CLASP2: variants seen among roughly 807,000 people sequenced by gnomAD.
CLASP2 encodes cytoplasmic linker associated protein 2, also known as CLIP-associating protein 2.
In CLASP2, 47 loss-of-function variants were observed where a neutral mutation model predicts 194.4. The observed-to-expected ratio is 0.24, with a 90% CI of 0.19 to 0.31. The LOEUF is 0.31. Ranked by LOEUF, CLASP2 falls within the 10% of genes least tolerant of loss-of-function variation. The pLI is 1.00. For missense variants in CLASP2, 1,445 were observed against 1,823.6 expected (o/e 0.79, Z 3.78); for synonymous variants, 619 against 633.5 (o/e 0.98, Z 0.34).
At chr3:33,690,427 A>T (rs1443944621) in intron 2 of CLASP2, among the ~76,000 whole-genome samples, 1 of 152,214 alleles carries the variant, frequency 6.6e-6, no homozygotes, top group Non-Finnish European at 1.5e-5. Context: ...ATTGAAAATT[A>T]AAAAATAATA....
At chr3:33,685,777 AAGG>A (rs1462858488) in intron 5 of CLASP2, among the ~76,000 whole-genome samples, 1 of 145,222 alleles carries the variant, frequency 6.9e-6, no homozygotes, top group Non-Finnish European at 1.5e-5. Context: ...CAAAGACAGA[AAGG>A]AGAATAGTGG....
chr3:33,517,842 C>T (rs928611899), intron 34 of CLASP2, among the ~76,000 whole-genome samples: 2 of 151,996 alleles, frequency 1.3e-5, no homozygotes, highest in Admixed American at 6.6e-5. Flanking sequence ...TTTGTGGAGA[C>T]GGGGTTTCGC....
At position 33,516,251 on chromosome 3, in the gene CLASP2, G is replaced by A. The variant is rs2051281071; in HGVS notation, c.3982-100C>T. ...TAAGGGTCTTAATATTGGGGGAGGA[G>A]TTGTAGATAACTGCATAAAGTATGC... On this transcript the variant is annotated intron_variant, in intron 35 of 38. Coordinates refer to ENST00000682230, the MANE Select transcript of CLASP2 (RefSeq NM_001365631.1). The A allele has an allele frequency of 7.1e-6, 8 of 1,125,846 alleles. No homozygotes were observed. In the South Asian group the frequency reaches 1.3e-4, roughly 18 times the overall value. The allele number at this position is 1,125,846 out of a possible 1,614,324, so 69.7% of individuals were successfully genotyped here.
intron 30 of CLASP2, among the ~76,000 whole-genome samples, chr3:33,545,549 A>AG (rs2059024695): frequency 1.3e-5 from 2 of 152,206 alleles, no homozygotes; most frequent in Admixed American, 1.3e-4. Context: ...TATACAACAC[A>AG]ATCTTGGAAG....
chr3:33,501,920 A>C, intron 37 of CLASP2, 152 bp from the exon 38 acceptor site: 1 of 591,718 alleles, frequency 1.7e-6, no homozygotes, highest in African/African-American at 1.9e-5. Flanking sequence ...AACCTTTTCA[A>C]GCATAGACAA....
At chr3:33,539,474 AC>A (rs1481562014) in intron 32 of CLASP2, among the ~76,000 whole-genome samples, 1 of 151,920 alleles carries the variant, frequency 6.6e-6, no homozygotes, top group African/African-American at 2.4e-5. Flanking sequence ...AGCTGGGATT[AC>A]AGGCGCCGGC....
intron 22 of CLASP2, 45 bp downstream of exon 22, chr3:33,584,705 A>T (rs2066960369): frequency 6.8e-7 from 1 of 1,475,550 alleles, no homozygotes; most frequent in African/African-American, 1.4e-5. Flanking sequence ...AAAAAAAAAA[A>T]AAAAGGGTTA....
At chr3:33,514,837 C>T (rs2050839713) in intron 36 of CLASP2, among the ~76,000 whole-genome samples, 1 of 151,972 alleles carries the variant, frequency 6.6e-6, no homozygotes, top group African/African-American at 2.4e-5. Flanking sequence ...CACACACACA[C>T]ACCATGTGTA....
At chr3:33,573,483 A>G in intron 24 of CLASP2, 129 bp from the exon 25 acceptor site, 1 of 922,266 alleles carries the variant, frequency 1.1e-6, no homozygotes, top group Non-Finnish European at 1.7e-6. Context: ...AATCATTGTA[A>G]TAACAGAATG....
intron 37 of CLASP2, among the ~76,000 whole-genome samples, chr3:33,508,736 A>T (rs1054886802): frequency 6.6e-6 from 1 of 152,232 alleles, no homozygotes; most frequent in African/African-American, 2.4e-5. Flanking sequence ...TAGGATAGGT[A>T]GTCTATGAGC....
At chr3:33,686,977 T>C in intron 5 of CLASP2, 83 bp downstream of exon 5, 1 of 775,022 alleles carries the variant, frequency 1.3e-6, no homozygotes, top group Non-Finnish European at 2.0e-6. Context: ...CTCTCTCTTC[T>C]TTTTTAAAAA....
chr3:33,695,173 G>C (rs2091747843), intron 2 of CLASP2, among the ~76,000 whole-genome samples: 1 of 147,954 alleles, frequency 6.8e-6, no homozygotes, highest in South Asian at 2.1e-4. Flanking sequence ...TCCCATCTCA[G>C]CCTTCAGAGT....
chr3:33,636,861 A>G (rs2080241400), intron 8 of CLASP2, among the ~76,000 whole-genome samples: 1 of 152,222 alleles, frequency 6.6e-6, no homozygotes, highest in African/African-American at 2.4e-5. Flanking sequence ...TTGGCCTCCC[A>G]AAGTGCTGGG....
chr3:33,630,631 G>C (rs922976869), intron 9 of CLASP2, among the ~76,000 whole-genome samples: 1 of 152,162 alleles, frequency 6.6e-6, no homozygotes, highest in African/African-American at 2.4e-5. Context: ...AAAGACTTAG[G>C]GGAGTTGCTG....
In CLASP2 at chr3:33,537,557, T is replaced by A. The variant is rs528652237; in HGVS notation, c.3558+1232A>T. 2.0e-5 allele frequency among the ~76,000 whole-genome samples: 3 copies of A among 152,290 alleles called. No homozygotes were observed. In the South Asian group the frequency reaches 6.2e-4, roughly 32 times the overall value. On this transcript the variant is annotated intron_variant, in intron 33 of 38. Transcript: ENST00000682230. ...AAGAAGCAGGAAAGTAAAAAACTAT[T>A]CTGTGTATAATGGCAGAAGCAATAA...
intron 38 of CLASP2, 48 bp downstream of exon 38, chr3:33,501,604 A>G (rs544225859): frequency 1.7e-6 from 2 of 1,188,826 alleles, no homozygotes; most frequent in South Asian, 1.2e-5. Flanking sequence ...CTAAGTTTTG[A>G]AAGATGTACT....
intron 7 of CLASP2, among the ~76,000 whole-genome samples, chr3:33,654,658 T>C (rs2083836534): frequency 6.6e-6 from 1 of 152,018 alleles, no homozygotes; most frequent in African/African-American, 2.4e-5. Context: ...ATTTAAAACA[T>C]CTTCAATTTA....
At chr3:33,671,233 C>A (rs551112768) in intron 6 of CLASP2, among the ~76,000 whole-genome samples, 1 of 152,244 alleles carries the variant, frequency 6.6e-6, no homozygotes, top group East Asian at 1.9e-4. Flanking sequence ...GACCTACTCA[C>A]AGGACTACAG....
At chr3:33,501,073 T>A (rs2046741623) in intron 38 of CLASP2, among the ~76,000 whole-genome samples, 2 of 152,138 alleles carry the variant, frequency 1.3e-5, no homozygotes, top group African/African-American at 4.8e-5. Flanking sequence ...TTTAAAGTAC[T>A]GGTAGTAGCA....
Sources: allele counts gnomAD v4.1 joint callset (sites outside exome capture counted in the v4.1 genomes callset), GRCh38; gene constraint gnomAD v4.1.1; transcripts MANE v1.5; gene names NCBI Gene and HGNC (gene_info 2026-07-23, HGNC 2026-07-21).